The following CFAP69 variants were observed in gnomAD, a reference collection of about 807,000 sequenced individuals.
CFAP69 encodes the protein cilia and flagella associated protein 69, also known as cilia- and flagella-associated protein 69.
CFAP69 carries 92 observed loss-of-function variants against 123.0 expected under a neutral mutation model. The ratio of observed to expected loss-of-function variants is 0.75; its 90% CI spans 0.63 to 0.89. The LOEUF is 0.89. Ranked by LOEUF, CFAP69 falls within the 40% of genes least tolerant of loss-of-function variation. The pLI, the probability that CFAP69 is intolerant of heterozygous loss-of-function variation, is 0.00. For synonymous variants in CFAP69, 380 were observed against 364.3 expected, an observed-to-expected ratio of 1.04 and a Z score of -0.49; for missense variants, 1,067 against 1,096.9, an observed-to-expected ratio of 0.97 and a Z score of 0.39.
Position 90,262,035 on chromosome 7 carries a change from A to G in CFAP69, c.335A>G (p.Tyr112Cys), listed in dbSNP as rs1383837252. ...CAGCCTCGTTTTATAGAATCTGCAT[A>G]TGATATCATAAAACTGTGTGGGTAA... ...KNQPRFIESA[Y>C]DIIKLCGLPF... Residue 112 changes from tyrosine to cysteine, a missense_variant, in exon 4 of 23, where the codon TAT becomes TGT. By Grantham distance (194) the Tyr-to-Cys change is radical. Coordinates refer to ENST00000389297, the MANE Select transcript of CFAP69 (RefSeq NM_001039706.3). 1 of 1,589,002 alleles carries G rather than the reference A, an allele frequency of 6.3e-7. No individual in the cohort carries two copies. Among genetic ancestry groups the G allele is most frequent in the Non-Finnish European group, 8.6e-7 (1 of 1,168,046 alleles).
At chr7:90,323,588 A>G in the CFAP69 span, among the ~76,000 whole-genome samples, 1 of 152,202 alleles carries the variant, frequency 6.6e-6, no homozygotes, top group Admixed American at 6.5e-5. Context: ...CAGATTGACA[A>G]ATAAAAAATT....
downstream of CFAP69, chr7:90,312,454 C>T (rs940270259): frequency 3.3e-5 from 5 of 152,146 alleles, no homozygotes; most frequent in African/African-American, 7.2e-5. Flanking sequence ...GTCTGTGAAC[C>T]TTTCTTCTTC....
intron 9 of CFAP69, 78 bp downstream of exon 9, chr7:90,274,188 G>T: frequency 6.7e-7 from 1 of 1,503,508 alleles, no homozygotes; most frequent in South Asian, 1.2e-5. Context: ...TATTATGTTG[G>T]AATATTTGTG....
intron 19 of CFAP69, among the ~76,000 whole-genome samples, chr7:90,306,492 T>C (rs6979448): frequency 0.81 from 123,511 of 152,116 alleles, 50,382 homozygotes; most frequent in East Asian, 1. Context: ...GTAATCCCCA[T>C]GTTCATTCTC....
chr7:90,289,769 C>A (rs1790847418), intron 15 of CFAP69, among the ~76,000 whole-genome samples: 1 of 152,082 alleles, frequency 6.6e-6, no homozygotes, highest in Non-Finnish European at 1.5e-5. Context: ...ACATTTAGAC[C>A]TACAATCTAC....
intron 13 of CFAP69, among the ~76,000 whole-genome samples, chr7:90,283,429 A>G (rs912861433): frequency 6.6e-6 from 1 of 152,216 alleles, no homozygotes; most frequent in Non-Finnish European, 1.5e-5. Flanking sequence ...GTCATAACAG[A>G]ACACTGGTAC....
At chr7:90,309,996 G>A in intron 22 of CFAP69, 72 bp from the exon 23 acceptor site, 2 of 1,252,944 alleles carry the variant, frequency 1.6e-6, no homozygotes, top group Non-Finnish European at 2.3e-6. Flanking sequence ...GTAAGCTGAA[G>A]GATGAATGAG....
Position 90,309,287 on chromosome 7 carries a change from G to T in CFAP69, c.2575G>T (p.Ala859Ser). ...LKKAKSLQEK[A>S]IEASRYHKRP... ...GAAAGCAAAAAGCCTTCAAGAAAAA[G>T]CTATAGAAGCCTCCAGATACCATAA... The change falls in exon 22 of 23, where the codon GCT becomes TCT. Residue 859 changes from alanine (A) to serine (S), a missense_variant. By Grantham distance (99) the Ala-to-Ser change is moderately conservative. Transcript: ENST00000389297. The T allele has an allele frequency of 6.4e-7, 1 of 1,559,082 alleles. No individual in the cohort carries two copies. The highest frequency in any genetic ancestry group is 8.7e-7 in the Non-Finnish European group (1 of 1,154,820).
intron 15 of CFAP69, among the ~76,000 whole-genome samples, chr7:90,288,639 G>T (rs1162331115): frequency 6.6e-6 from 1 of 152,002 alleles, no homozygotes; most frequent in Admixed American, 6.6e-5. Context: ...ATTAAAAAAG[G>T]TACAGTAAGA....
intron 20 of CFAP69, 63 bp downstream of exon 20, chr7:90,307,161 C>A: frequency 8.7e-7 from 1 of 1,150,908 alleles, no homozygotes; most frequent in Non-Finnish European, 1.3e-6. Context: ...CACAAAAATA[C>A]AGTTAGATAG....
chr7:90,302,633 G>A (rs915806611), intron 17 of CFAP69: 1 of 152,120 alleles, frequency 6.6e-6, no homozygotes, highest in African/African-American at 2.4e-5. Context: ...AGTAGTTGTA[G>A]GTGTGTAGCC....
At position 90,309,210 on chromosome 7, in the gene CFAP69, C is replaced by T. The variant is rs188017009; in HGVS notation, c.2551-53C>T. On this transcript the variant is annotated intron_variant, in intron 21 of 22. Coordinates refer to ENST00000389297, the MANE Select transcript of CFAP69 (RefSeq NM_001039706.3). ...ATATGTTTTTCATTGTAAGTACCAT[C>T]ATTACTGATTTAATAGCAATTAATA... is the stretch of plus-strand genomic sequence containing the variant. 2.1e-4 allele frequency: 177 copies of T among 846,238 alleles called. 2 individuals carry two copies. Among genetic ancestry groups the T allele is most frequent in the Non-Finnish European group, 1.1e-4 (61 of 539,842 alleles). The allele number at this position is 846,238 out of a possible 1,614,324, so 52.4% of individuals were successfully genotyped here.
At chr7:90,313,990 T>C (rs1376920320), downstream of CFAP69, among the ~76,000 whole-genome samples, 1 of 152,200 alleles carries the variant, frequency 6.6e-6, no homozygotes, top group Non-Finnish European at 1.5e-5. Context: ...ACGTGTTGAG[T>C]ATGATACTTT....
chr7:90,300,539 C>A, intron 17 of CFAP69: 1 of 623,588 alleles, frequency 1.6e-6, no homozygotes, highest in Non-Finnish European at 2.0e-6. Flanking sequence ...AAAAATAGTC[C>A]AAATGTTCAA....
chr7:90,265,028 G>A (rs1247703763), intron 4 of CFAP69, among the ~76,000 whole-genome samples: 2 of 152,006 alleles, frequency 1.3e-5, no homozygotes, highest in East Asian at 1.9e-4. Flanking sequence ...TCTTGACCTC[G>A]TGATCCACCC....
chr7:90,284,458 T>C (rs1789962983), intron 13 of CFAP69, among the ~76,000 whole-genome samples: 1 of 152,202 alleles, frequency 6.6e-6, no homozygotes, highest in African/African-American at 2.4e-5. Flanking sequence ...ATATACTTCC[T>C]GTGTAGACAC....
At chr7:90,260,204 T>G (rs1798137827) in intron 3 of CFAP69, among the ~76,000 whole-genome samples, 1 of 152,130 alleles carries the variant, frequency 6.6e-6, no homozygotes, top group South Asian at 2.1e-4. Context: ...CTGAAAATGA[T>G]CTTGAACAGT....
downstream of CFAP69, among the ~76,000 whole-genome samples, chr7:90,315,079 A>T (rs967140652): frequency 6.6e-6 from 1 of 152,054 alleles, no homozygotes; most frequent in Non-Finnish European, 1.5e-5. Context: ...AGTCAGAATG[A>T]CTGTTATTAA....
the CFAP69 span, chr7:90,322,427 G>A: frequency 1.3e-5 from 2 of 152,110 alleles, no homozygotes. Context: ...GCTGAAACGT[G>A]AACAAACCAC....
Sources: allele counts gnomAD v4.1 joint callset (sites outside exome capture counted in the v4.1 genomes callset), GRCh38; gene constraint gnomAD v4.1.1; transcripts MANE v1.5; gene names NCBI Gene and HGNC (gene_info 2026-07-23, HGNC 2026-07-21).